The following IHO1 variants were observed in gnomAD, a reference collection of about 807,000 sequenced individuals.
The protein encoded by IHO1 is interactor of HORMAD1 1.
In IHO1, 13 loss-of-function variants were observed where a neutral mutation model predicts 31.0. That is an observed-to-expected ratio of 0.42 (90% CI 0.27 to 0.67). The LOEUF (loss-of-function observed/expected upper bound fraction) is 0.67, where lower values mean the gene tolerates loss of function less well. IHO1 is among the 30% of genes least tolerant of loss of function. The probability of loss-of-function intolerance (pLI) is 0.24; values close to 1 mark genes in which losing one functional copy is unlikely to be tolerated. For missense variants in IHO1, 599 were observed against 687.5 expected, an observed-to-expected ratio of 0.87 and a Z score of 1.44; for synonymous variants, 221 against 248.4, an observed-to-expected ratio of 0.89 and a Z score of 1.04.
In IHO1 at chr3:49,257,472, T is replaced by C. The variant is rs1198073556; in HGVS notation, c.*190T>C. 6 of 602,676 alleles carry C rather than the reference T, an allele frequency of 1.0e-5. No individual in the cohort carries two copies. The East Asian group carries it at 1.6e-4, about 16-fold the overall frequency. The allele number at this position is 602,676 out of a possible 1,614,324, so 37.3% of individuals were successfully genotyped here. A position where few individuals can be genotyped will look rare whatever the true frequency, so the allele number is the denominator to read the frequency against. On this transcript the variant is annotated 3_prime_UTR_variant, in exon 8 of 8. Transcript: ENST00000452691. ...TACCAGGTGCTGCCCCTGACAAGGA[T>C]TAAGTGCATCCTTATTTATTGGAAT...
chr3:49,196,082 A>G (rs1167475989), upstream of IHO1, among the ~76,000 whole-genome samples: 1 of 151,576 alleles, frequency 6.6e-6, no homozygotes. Context: ...AAAAACACAA[A>G]AAGAAATTAG....
chr3:49,220,158 A>G (rs1478378221), intron 2 of IHO1, among the ~76,000 whole-genome samples: 1 of 152,190 alleles, frequency 6.6e-6, no homozygotes, highest in Non-Finnish European at 1.5e-5. Context: ...CTCTGTTAGG[A>G]TACACCCCAC....
Position 49,236,545 on chromosome 3 carries a change from C to T in IHO1, c.57-3C>T, listed in dbSNP as rs1352741107. 4 of 1,593,102 alleles carry T rather than the reference C, an allele frequency of 2.5e-6. No individual in the cohort carries two copies. The highest frequency in any genetic ancestry group is 3.6e-5 in the Admixed American group (2 of 56,132). On this transcript the variant is annotated splice_polypyrimidine_tract_variant and splice_region_variant and intron_variant, in intron 2 of 7. Transcript: ENST00000452691. ...TGATACACTTTTTTTTGCTAAATTT[C>T]AGGAACAAGAAGTCATCCAACTGGA...
intron 2 of IHO1, among the ~76,000 whole-genome samples, chr3:49,218,236 C>T (rs980175338): frequency 1.3e-5 from 2 of 151,928 alleles, no homozygotes; most frequent in Non-Finnish European, 2.9e-5. Flanking sequence ...CCCACCTCTC[C>T]GTCTGCAAAG....
In IHO1 at chr3:49,229,610, A is replaced by G. The variant is rs188346932; in HGVS notation, c.57-6938A>G. Among the ~76,000 whole-genome samples, 1,242 of 152,276 alleles carry G rather than the reference A, an allele frequency of 8.2e-3. 9 individuals carry two copies. Among genetic ancestry groups the G allele is most frequent in the South Asian group, 0.014 (67 of 4,832 alleles). On this transcript the variant is annotated intron_variant, in intron 2 of 7. Transcript: ENST00000452691. ...TGGGTGAATCAAATTACTGATAAAC[A>G]TCATACCTGTGAAATAACTATTCAG... is the stretch of plus-strand genomic sequence containing the variant.
chr3:49,227,538 G>T (rs540589317), intron 2 of IHO1, among the ~76,000 whole-genome samples: 1 of 152,170 alleles, frequency 6.6e-6, no homozygotes. Context: ...AGGAAGATCA[G>T]ATTTAGTGGC....
intron 2 of IHO1, among the ~76,000 whole-genome samples, chr3:49,235,377 C>T (rs983978929): frequency 1.1e-4 from 16 of 151,804 alleles, no homozygotes; most frequent in Non-Finnish European, 2.2e-4. Flanking sequence ...CAGGCACCCA[C>T]CATCAGGCCT....
At chr3:49,199,735 A>G (rs928677323) in intron 1 of IHO1, 162 bp downstream of exon 1, 1 of 150,112 alleles carries the variant, frequency 6.7e-6, no homozygotes, top group African/African-American at 2.5e-5. Context: ...TTCTTTCCCT[A>G]TGGCGATGGC....
chr3:49,206,109 G>A (rs1327076844), intron 1 of IHO1, among the ~76,000 whole-genome samples: 2 of 152,014 alleles, frequency 1.3e-5, no homozygotes, highest in African/African-American at 2.4e-5. Context: ...GACTACAGGC[G>A]CCCACCACCA....
chr3:49,205,811 C>G (rs868191345), intron 1 of IHO1, among the ~76,000 whole-genome samples: 7 of 149,296 alleles, frequency 4.7e-5, no homozygotes, highest in Non-Finnish European at 7.4e-5. Context: ...GCTCTGTCGC[C>G]CAGGCTGGAG....
At position 49,215,055 on chromosome 3, in the gene IHO1, C is replaced by CT. The variant is rs879326053; in HGVS notation, c.56+3232dup. ...ATGTCATGAAGCTTTTGCCTTCTCTCTTTTTTTTTTTTTGAGATGGAGTCT... is the reference window on the plus strand; with the variant it reads ...ATGTCATGAAGCTTTTGCCTTCTCTCTTTTTTTTTTTTTTGAGATGGAGTCT... On this transcript the variant is annotated intron_variant, in intron 2 of 7. Coordinates refer to ENST00000452691, the MANE Select transcript of IHO1 (RefSeq NM_001135197.2). Among the ~76,000 whole-genome samples, 1,022 of 141,406 alleles carry CT rather than the reference C, an allele frequency of 7.2e-3. 12 individuals carry two copies. The highest frequency in any genetic ancestry group is 0.021 in the African/African-American group (806 of 38,814). 92.8% of individuals were successfully genotyped at this position (141,406 alleles called of 152,430 possible). A position where few individuals can be genotyped will look rare whatever the true frequency, so the allele number is the denominator to read the frequency against.
chr3:49,244,144 G>A (rs1468164214), intron 4 of IHO1, among the ~76,000 whole-genome samples: 2 of 151,844 alleles, frequency 1.3e-5, no homozygotes, highest in African/African-American at 2.4e-5. Flanking sequence ...TAGTAGAGAC[G>A]GGGTTTCACT....
intron 2 of IHO1, among the ~76,000 whole-genome samples, chr3:49,220,807 G>A (rs1004059967): frequency 1.3e-5 from 2 of 152,202 alleles, no homozygotes; most frequent in African/African-American, 4.8e-5. Context: ...GGCAGAGCTT[G>A]CAGTGAGCTG....
At chr3:49,220,780 A>C (rs997372679) in intron 2 of IHO1, among the ~76,000 whole-genome samples, 4 of 152,322 alleles carry the variant, frequency 2.6e-5, no homozygotes, top group Non-Finnish European at 5.9e-5. Flanking sequence ...AGGCAGGAGA[A>C]TGGCATGAAC....
chr3:49,228,650 T>C (rs956360186), intron 2 of IHO1, among the ~76,000 whole-genome samples: 9 of 151,924 alleles, frequency 5.9e-5, no homozygotes, highest in African/African-American at 2.2e-4. Flanking sequence ...ATGTCCGGAG[T>C]TTGTTCCTTC....
chr3:49,192,768 T>C, the IHO1 span, among the ~76,000 whole-genome samples: 1 of 151,942 alleles, frequency 6.6e-6, no homozygotes, highest in Non-Finnish European at 1.5e-5. Flanking sequence ...TGGTGGCATA[T>C]ACCTGTAGTT....
intron 2 of IHO1, among the ~76,000 whole-genome samples, chr3:49,215,060 T>G (rs1359865754): frequency 6.6e-6 from 1 of 151,648 alleles, no homozygotes; most frequent in Non-Finnish European, 1.5e-5. Flanking sequence ...TCTCTCTTTT[T>G]TTTTTTTTGA....
At chr3:49,245,339 AC>A (rs2046681531) in intron 6 of IHO1, 1 of 152,908 alleles carries the variant, frequency 6.5e-6, no homozygotes, top group Non-Finnish European at 1.5e-5. Context: ...GGCGTCTGCC[AC>A]CACGGCTGGC....
chr3:49,191,904 T>C, the IHO1 span: 1 of 825,508 alleles, frequency 1.2e-6, no homozygotes, highest in Non-Finnish European at 2.0e-6. Context: ...ACAATGCTGC[T>C]GCTGTTTGTT....
Sources: allele counts gnomAD v4.1 joint callset (sites outside exome capture counted in the v4.1 genomes callset), GRCh38; gene constraint gnomAD v4.1.1; transcripts MANE v1.5; gene names NCBI Gene and HGNC (gene_info 2026-07-23, HGNC 2026-07-21).